CAMK1D: variants seen among roughly 807,000 people sequenced by gnomAD.
CAMK1D encodes calcium/calmodulin dependent protein kinase ID, also known as calcium/calmodulin-dependent protein kinase type 1D.
CAMK1D carries 9 observed loss-of-function variants against 47.7 expected under a neutral mutation model. The observed-to-expected ratio is 0.19, with a 90% CI of 0.11 to 0.33. CAMK1D has a LOEUF of 0.33. CAMK1D is among the 10% of genes least tolerant of loss of function. The pLI, the probability that CAMK1D is intolerant of heterozygous loss-of-function variation, is 1.00. For missense variants in CAMK1D, 291 were observed against 488.7 expected (o/e 0.60, Z 3.81); for synonymous variants, 184 against 184.9 (o/e 0.99, Z 0.04).
chr10:12,427,698 C>CTGTTTTTTTTT (rs1840282862), intron 1 of CAMK1D, among the ~76,000 whole-genome samples: 2 of 27,394 alleles, frequency 7.3e-5, no homozygotes, highest in Non-Finnish European at 1.7e-4. Context: ...ACTGAACTTA[C>CTGTTTTTTTTT]TGTTTTTTTT....
chr10:12,622,341 G>C (rs879936620), intron 2 of CAMK1D, among the ~76,000 whole-genome samples: 1 of 152,262 alleles, frequency 6.6e-6, no homozygotes, highest in South Asian at 2.1e-4. Flanking sequence ...GTAGGCTTTT[G>C]TGGGGGGCTG....
intron 2 of CAMK1D, among the ~76,000 whole-genome samples, chr10:12,556,511 G>T (rs1836765961): frequency 6.6e-6 from 1 of 152,116 alleles, no homozygotes; most frequent in African/African-American, 2.4e-5. Context: ...GAGGAGGAGG[G>T]CCTGGACAAT....
At chr10:12,424,050 C>T (rs113615339) in intron 1 of CAMK1D, among the ~76,000 whole-genome samples, 55 of 152,278 alleles carry the variant, frequency 3.6e-4, no homozygotes, top group Non-Finnish European at 6.9e-4. Flanking sequence ...GCGGCCTGTT[C>T]GTCCTAACTG....
At chr10:12,394,352 T>G (rs563976205) in intron 1 of CAMK1D, among the ~76,000 whole-genome samples, 4 of 152,258 alleles carry the variant, frequency 2.6e-5, no homozygotes, top group African/African-American at 9.6e-5. Flanking sequence ...ATTCCATGAT[T>G]GATGTAAATC....
At chr10:12,563,372 G>C (rs1428559731) in intron 2 of CAMK1D, among the ~76,000 whole-genome samples, 1 of 152,040 alleles carries the variant, frequency 6.6e-6, no homozygotes, top group African/African-American at 2.4e-5. Context: ...AAGGGAAGAA[G>C]AACAAATTGA....
At chr10:12,812,789 C>T (rs1021695931) in intron 6 of CAMK1D, among the ~76,000 whole-genome samples, 3 of 152,164 alleles carry the variant, frequency 2.0e-5, no homozygotes, top group Non-Finnish European at 4.4e-5. Context: ...AAACCAAGGC[C>T]AGCCCCTGCC....
At chr10:12,705,194 C>T (rs888108129) in intron 3 of CAMK1D, among the ~76,000 whole-genome samples, 1 of 152,144 alleles carries the variant, frequency 6.6e-6, no homozygotes, top group African/African-American at 2.4e-5. Context: ...GGCACGGTGG[C>T]TCACCCCTGT....
chr10:12,716,152 C>T (rs776061379), intron 3 of CAMK1D, among the ~76,000 whole-genome samples: 2 of 152,110 alleles, frequency 1.3e-5, no homozygotes, highest in Non-Finnish European at 2.9e-5. Context: ...GATACCGCCT[C>T]GCACTTTATC....
At chr10:12,632,516 G>GAAA (rs2132468847) in intron 2 of CAMK1D, among the ~76,000 whole-genome samples, 1 of 152,294 alleles carries the variant, frequency 6.6e-6, no homozygotes, top group Admixed American at 6.5e-5. Context: ...TGACCTTTCA[G>GAAA]CATCATTGTC....
chr10:12,431,763 G>A (rs1832484686), intron 1 of CAMK1D, among the ~76,000 whole-genome samples: 1 of 152,192 alleles, frequency 6.6e-6, no homozygotes, highest in African/African-American at 2.4e-5. Flanking sequence ...AGGGATTACT[G>A]GGAAAACTAG....
At chr10:12,804,236 A>G (rs1838613252) in intron 6 of CAMK1D, among the ~76,000 whole-genome samples, 1 of 152,228 alleles carries the variant, frequency 6.6e-6, no homozygotes, top group South Asian at 2.1e-4. Context: ...CAACTTCTTA[A>G]GTCAGTACAC....
intron 1 of CAMK1D, among the ~76,000 whole-genome samples, chr10:12,426,504 C>T (rs1196623585): frequency 6.6e-6 from 1 of 152,156 alleles, no homozygotes; most frequent in Non-Finnish European, 1.5e-5. Flanking sequence ...CTCAGCCTCC[C>T]AAAGTGCTGG....
chr10:12,577,140 C>T (rs1837514469), intron 2 of CAMK1D, among the ~76,000 whole-genome samples: 1 of 152,222 alleles, frequency 6.6e-6, no homozygotes, highest in African/African-American at 2.4e-5. Context: ...GCCCTCTGGT[C>T]ACTCACCCAT....
intron 1 of CAMK1D, among the ~76,000 whole-genome samples, chr10:12,530,920 G>C (rs1835784811): frequency 6.6e-6 from 1 of 152,090 alleles, no homozygotes; most frequent in South Asian, 2.1e-4. Flanking sequence ...AGCCGAGTGT[G>C]ATGGCGGGCG....
intron 2 of CAMK1D, among the ~76,000 whole-genome samples, chr10:12,632,498 G>A (rs1417148465): frequency 1.3e-5 from 2 of 152,176 alleles, no homozygotes; most frequent in African/African-American, 4.8e-5. Context: ...TATTCTGATG[G>A]CAGAATATGA....
At chr10:12,594,611 G>A (rs1040249979) in intron 2 of CAMK1D, among the ~76,000 whole-genome samples, 2 of 152,144 alleles carry the variant, frequency 1.3e-5, no homozygotes, top group African/African-American at 4.8e-5. Flanking sequence ...AAACTTTCAG[G>A]GAGTCAGTGA....
chr10:12,361,677 TCC>T (rs992602396), intron 1 of CAMK1D, among the ~76,000 whole-genome samples: 2 of 148,466 alleles, frequency 1.3e-5, no homozygotes, highest in African/African-American at 5.0e-5. Context: ...TGCCTCAGCC[TCC>T]CGAGTAGCTG....
At chr10:12,735,646 A>G (rs1427090309) in intron 3 of CAMK1D, among the ~76,000 whole-genome samples, 12 of 152,178 alleles carry the variant, frequency 7.9e-5, no homozygotes, top group African/African-American at 2.9e-4. Context: ...TAGAGGTACC[A>G]ACCGTCTCTC....
intron 3 of CAMK1D, among the ~76,000 whole-genome samples, chr10:12,694,140 A>AATATAATATATT (rs1833095807): frequency 4.4e-4 from 5 of 11,384 alleles, no homozygotes; most frequent in African/African-American, 1.2e-3. Flanking sequence ...TATTATATAT[A>AATATAATATATT]ATATAATATA....
Sources: gnomAD v4.1 joint callset for allele counts (sites outside exome capture counted in the v4.1 genomes callset) on GRCh38, gnomAD v4.1.1 for gene constraint, MANE v1.5 for transcripts, NCBI Gene and HGNC (gene_info 2026-07-23, HGNC 2026-07-21) for gene names.